CAMTA1: variants seen among roughly 807,000 people sequenced by gnomAD.
CAMTA1 encodes the protein calmodulin-binding transcription activator 1.
A neutral mutation model predicts 170.9 loss-of-function variants in CAMTA1; 27 were observed. The ratio of observed to expected loss-of-function variants is 0.16; its 90% confidence interval spans 0.12 to 0.22. The LOEUF is 0.22. Among genes scored for constraint, CAMTA1 ranks in the 10% least tolerant of loss-of-function variants. The pLI is 1.00. For missense variants in CAMTA1, 1,619 were observed against 2,217.2 expected (o/e 0.73, Z 5.42); for synonymous variants, 833 against 891.5 (o/e 0.93, Z 1.17).
chr1:7,146,117 C>T lies in CAMTA1; in HGVS notation c.302+54746C>T, dbSNP rs762125524. Among the ~76,000 whole-genome samples the T allele has an allele frequency of 2.6e-5, 4 of 152,064 alleles. No homozygotes were observed. Among genetic ancestry groups the T allele is most frequent in the Non-Finnish European group, 5.9e-5 (4 of 68,008 alleles). ...TTTAAAATGGGATGATTGTAAAGGCCGGGCCGAGGATCTCCCCTGGGGATG... is the reference window on the plus strand; with the variant it reads ...TTTAAAATGGGATGATTGTAAAGGCTGGGCCGAGGATCTCCCCTGGGGATG... On this transcript the variant is annotated intron_variant, in intron 4 of 22. Transcript: ENST00000303635. This position sits in a 1 kb window ranked among gnomAD's most constrained non-coding sequence, Gnocchi z 4.3.
intron 5 of CAMTA1, among the ~76,000 whole-genome samples, chr1:7,417,577 G>A (rs554261173): frequency 6.6e-6 from 1 of 150,646 alleles, no homozygotes; most frequent in African/African-American, 2.4e-5. Flanking sequence ...CTCTGAGCCA[G>A]GTGTGGGATA....
chr1:7,598,688 G>C (rs938956365), intron 6 of CAMTA1, among the ~76,000 whole-genome samples: 12 of 152,218 alleles, frequency 7.9e-5, no homozygotes, highest in African/African-American at 2.9e-4. Context: ...CTGATGGCCA[G>C]TGATGATGAG....
intron 17 of CAMTA1, 150 bp downstream of exon 17, chr1:7,745,172 C>T: frequency 2.9e-6 from 2 of 686,348 alleles, no homozygotes; most frequent in Non-Finnish European, 4.8e-6. Flanking sequence ...TTGCCACTTT[C>T]AAGGCCCAGC....
intron 4 of CAMTA1, among the ~76,000 whole-genome samples, chr1:7,102,818 C>T (rs985079921): frequency 6.6e-6 from 1 of 152,084 alleles, no homozygotes; most frequent in Non-Finnish European, 1.5e-5. Context: ...TGGGTGTCAT[C>T]TTCTCCCTGG....
At chr1:7,371,414 G>A (rs754587697) in intron 5 of CAMTA1, among the ~76,000 whole-genome samples, 32 of 152,048 alleles carry the variant, frequency 2.1e-4, no homozygotes, top group Admixed American at 3.3e-4. Context: ...CTGCCACCCC[G>A]CCTGGCTAAT....
At chr1:6,883,542 G>A (rs545755937) in intron 3 of CAMTA1, among the ~76,000 whole-genome samples, 31 of 152,228 alleles carry the variant, frequency 2.0e-4, no homozygotes, top group African/African-American at 6.5e-4. Context: ...TGAGCATTGC[G>A]CAGAAGAATC....
chr1:7,768,928 T>C lies in CAMTA1; in HGVS notation c.*2437T>C, dbSNP rs755246170. ...TTAATACTGAATTTAGATATCTTTA[T>C]TCCATTTATTATGGTACAAATAACT... On this transcript the variant is annotated 3_prime_UTR_variant, in exon 23 of 23. Transcript: ENST00000303635. The C allele has an allele frequency of 6.6e-6, 1 of 152,372 alleles. No individual in the cohort carries two copies. Among genetic ancestry groups the C allele is most frequent in the Non-Finnish European group, 1.5e-5 (1 of 68,034 alleles). 9.4% of individuals were successfully genotyped at this position (152,372 alleles called of 1,614,324 possible).
chr1:7,175,565 A>G lies in CAMTA1; in HGVS notation c.303-73926A>G, dbSNP rs140604514. Among the ~76,000 whole-genome samples the G allele has an allele frequency of 9.6e-3, 1,462 of 152,362 alleles. 17 individuals carry two copies. Among genetic ancestry groups the G allele is most frequent in the Admixed American group, 0.016 (251 of 15,300 alleles). On this transcript the variant is annotated intron_variant, in intron 4 of 22. Transcript: ENST00000303635. Reference sequence around the variant, plus strand: ...AAGTGCGGAATCCCAGCCTTTCCAAATAGTGCAGGAATTGCGTGGGGGGCT... The same window carrying G: ...AAGTGCGGAATCCCAGCCTTTCCAAGTAGTGCAGGAATTGCGTGGGGGGCT...
intron 4 of CAMTA1, among the ~76,000 whole-genome samples, chr1:7,239,166 A>G (rs888361416): frequency 6.6e-6 from 1 of 152,204 alleles, no homozygotes; most frequent in African/African-American, 2.4e-5. Context: ...TCATCAGTAA[A>G]TATTTCAGTA....
At chr1:7,472,901 G>A (rs536773603) in intron 6 of CAMTA1, among the ~76,000 whole-genome samples, 6 of 152,266 alleles carry the variant, frequency 3.9e-5, no homozygotes, top group South Asian at 4.1e-4. Context: ...CACTCCAGGC[G>A]GTCCTGGCCC....
intron 6 of CAMTA1, among the ~76,000 whole-genome samples, chr1:7,488,641 A>G (rs1490283733): frequency 1.3e-5 from 2 of 152,212 alleles, no homozygotes; most frequent in African/African-American, 2.4e-5. Flanking sequence ...ACATATACAT[A>G]TAAGCACATA....
At chr1:6,785,967 C>T (rs1639152712) in intron 1 of CAMTA1, among the ~76,000 whole-genome samples, 1 of 149,608 alleles carries the variant, frequency 6.7e-6, no homozygotes, top group African/African-American at 2.5e-5. Context: ...GGCGCTGGGT[C>T]CACGGTGGGG....
At chr1:7,254,643 T>C (rs996906945) in intron 5 of CAMTA1, among the ~76,000 whole-genome samples, 1 of 151,688 alleles carries the variant, frequency 6.6e-6, no homozygotes, top group East Asian at 1.9e-4. Flanking sequence ...TGTTCTTTAT[T>C]TGGGCACTTA....
At chr1:7,461,471 CT>C in intron 5 of CAMTA1, among the ~76,000 whole-genome samples, 1 of 152,376 alleles carries the variant, frequency 6.6e-6, no homozygotes, top group East Asian at 1.9e-4. Context: ...GCTGCTGCAA[CT>C]GAGGAACTGA....
intron 5 of CAMTA1, among the ~76,000 whole-genome samples, chr1:7,254,744 C>T (rs1269884553): frequency 6.6e-6 from 1 of 152,220 alleles, no homozygotes; most frequent in Non-Finnish European, 1.5e-5. Context: ...CATGAAATAA[C>T]TGTCTGCCCT....
intron 3 of CAMTA1, among the ~76,000 whole-genome samples, chr1:6,890,498 C>T (rs926888761): frequency 4.6e-5 from 7 of 152,040 alleles, no homozygotes; most frequent in Non-Finnish European, 7.4e-5. Context: ...CTTTGATAGG[C>T]CTTTGTTTCC....
At chr1:7,711,582 C>A (rs1173091595) in intron 11 of CAMTA1, among the ~76,000 whole-genome samples, 1 of 152,204 alleles carries the variant, frequency 6.6e-6, no homozygotes, top group Non-Finnish European at 1.5e-5. Context: ...AAAGAGGAAC[C>A]AGAGCCCATC....
At chr1:7,708,731 G>T (rs1362484952) in intron 11 of CAMTA1, among the ~76,000 whole-genome samples, 1 of 152,126 alleles carries the variant, frequency 6.6e-6, no homozygotes, top group Non-Finnish European at 1.5e-5. Flanking sequence ...TACATCAGTT[G>T]CTTAGCAAAT....
chr1:7,145,246 C>T (rs61167016), intron 4 of CAMTA1, among the ~76,000 whole-genome samples: 1,763 of 152,304 alleles, frequency 0.012, 30 homozygotes, highest in African/African-American at 0.04. Flanking sequence ...CTTTCCGCAC[C>T]GCTCCTCTGC....
Sources: allele counts gnomAD v4.1 joint callset (sites outside exome capture counted in the v4.1 genomes callset), GRCh38; gene constraint gnomAD v4.1.1; non-coding constraint Gnocchi (gnomAD v3.1); transcripts MANE v1.5; gene names NCBI Gene and HGNC (gene_info 2026-07-23, HGNC 2026-07-21).